The following TUT7 variants were observed in gnomAD, a reference collection of about 807,000 sequenced individuals.
TUT7 encodes the protein terminal uridylyltransferase 7.
TUT7 carries 33 observed loss-of-function variants against 165.9 expected under a neutral mutation model. The observed-to-expected ratio is 0.20, with a 90% confidence interval of 0.15 to 0.27. The LOEUF (loss-of-function observed/expected upper bound fraction) is 0.27. TUT7 is among the 10% of genes least tolerant of loss of function. TUT7 has a pLI of 1.00. For missense variants in TUT7, 1,338 were observed against 1,762.3 expected (o/e 0.76, Z 4.31); for synonymous variants, 552 against 608.1 (o/e 0.91, Z 1.36).
Position 86,323,326 on chromosome 9 carries a change from G to A in TUT7, c.2424C>T (p.Asn808=). 3.7e-6 allele frequency: 6 copies of A among 1,614,068 alleles called. No individual in the cohort carries two copies. Among genetic ancestry groups the A allele is most frequent in the African/African-American group, 1.3e-5 (1 of 75,024 alleles). Residue 808 remains asparagine (N), a synonymous_variant, in exon 13 of 27, where the codon AAC becomes AAT. Coordinates refer to ENST00000375963, the MANE Select transcript of TUT7 (RefSeq NM_024617.4). The part of the protein sequence containing the change: ...KECEGLATLD[N]KADLDGESTE... The stretch of plus-strand genomic sequence containing the variant: ...TACTTTCTCCATCAAGATCAGCCTT[G>A]TTATCTAAAGTGGCAAGTCCCTCAC...
At chr9:86,316,916 A>C (rs1336843008) in intron 17 of TUT7, among the ~76,000 whole-genome samples, 1 of 152,236 alleles carries the variant, frequency 6.6e-6, no homozygotes, top group African/African-American at 2.4e-5. Context: ...AACAATAAAA[A>C]AATACAAATA....
At chr9:86,337,104 C>T in intron 10 of TUT7, 1 of 187,034 alleles carries the variant, frequency 5.3e-6, no homozygotes, top group Non-Finnish European at 1.1e-5. Context: ...AAAACTGTAC[C>T]CAAAGAAAGA....
chr9:86,309,589 A>G lies in TUT7; in HGVS notation c.3469-13T>C. ...CAATATCACACATCTAGACAGAAGG[A>G]AAACCAAGAACAAAGGAAAGGTCTG... On this transcript the variant is annotated splice_polypyrimidine_tract_variant and intron_variant, in intron 19 of 26. Coordinates refer to ENST00000375963, the MANE Select transcript of TUT7 (RefSeq NM_024617.4). 1 of 1,589,280 alleles carries G rather than the reference A, an allele frequency of 6.3e-7. No individual in the cohort carries two copies. The highest frequency in any genetic ancestry group is 8.6e-7 in the Non-Finnish European group (1 of 1,163,342).
At chr9:86,300,712 G>A (rs114046124) in intron 26 of TUT7, among the ~76,000 whole-genome samples, 27 of 152,268 alleles carry the variant, frequency 1.8e-4, no homozygotes, top group Non-Finnish European at 3.1e-4. Flanking sequence ...TATTTTCTTC[G>A]TCATAAGAAT....
chr9:86,293,592 T>G (rs781290431), intron 26 of TUT7, among the ~76,000 whole-genome samples: 8 of 152,236 alleles, frequency 5.3e-5, no homozygotes, highest in Non-Finnish European at 1.0e-4. Flanking sequence ...ACAATGTCAC[T>G]GACTCTCCGG....
intron 10 of TUT7, among the ~76,000 whole-genome samples, chr9:86,331,027 G>A (rs771550497): frequency 1.8e-4 from 28 of 151,936 alleles, no homozygotes; most frequent in Non-Finnish European, 2.6e-4. Flanking sequence ...ACTAGGGTGT[G>A]TGCCACTATG....
chr9:86,335,583 C>T (rs1830689445), intron 10 of TUT7, among the ~76,000 whole-genome samples: 1 of 152,176 alleles, frequency 6.6e-6, no homozygotes, highest in Non-Finnish European at 1.5e-5. Context: ...CTTTGTATTT[C>T]AGGCACTACT....
intron 23 of TUT7, 99 bp from the exon 24 acceptor site, chr9:86,305,046 A>C: frequency 8.3e-7 from 1 of 1,198,064 alleles, no homozygotes; most frequent in Non-Finnish European, 1.2e-6. Flanking sequence ...CTGTTATTCT[A>C]GCACTCTGGG....
At chr9:86,336,355 T>C (rs1830780672) in intron 10 of TUT7, among the ~76,000 whole-genome samples, 1 of 152,190 alleles carries the variant, frequency 6.6e-6, no homozygotes, top group African/African-American at 2.4e-5. Context: ...CTGGTAGAGA[T>C]ACCCTCTCAT....
At chr9:86,308,146 G>A (rs1827696318) in intron 22 of TUT7, among the ~76,000 whole-genome samples, 1 of 152,172 alleles carries the variant, frequency 6.6e-6, no homozygotes, top group Non-Finnish European at 1.5e-5. Flanking sequence ...CCAACAGGAA[G>A]GTTGTAGAAG....
Position 86,317,841 on chromosome 9 carries a change from G to A in TUT7, c.3217-565C>T, listed in dbSNP as rs148806372. On this transcript the variant is annotated intron_variant, in intron 16 of 26. Transcript: ENST00000375963. ...AAACATTTGGGCTGACTCAACATAC[G>A]CCTTTTTGATGGTTATAAAAATCCC... is the stretch of plus-strand genomic sequence containing the variant. Among the ~76,000 whole-genome samples, 656 of 152,136 alleles carry A rather than the reference G, an allele frequency of 4.3e-3. 8 individuals are homozygous for A. Among genetic ancestry groups the A allele is most frequent in the African/African-American group, 0.015 (632 of 41,504 alleles).
At chr9:86,309,397 GAGGAGGAGAA>G in intron 20 of TUT7, 56 bp downstream of exon 20, 4 of 1,483,964 alleles carry the variant, frequency 2.7e-6, no homozygotes, top group Non-Finnish European at 3.7e-6. Context: ...CAGAATTTTA[GAGGAGGAGAA>G]AGGCTCAGAG....
chr9:86,305,045 T>C (rs1285874122), intron 23 of TUT7, 98 bp from the exon 24 acceptor site: 2 of 1,203,842 alleles, frequency 1.7e-6, no homozygotes, highest in East Asian at 2.5e-5. Context: ...CCTGTTATTC[T>C]AGCACTCTGG....
Position 86,310,768 on chromosome 9 carries a change from T to G in TUT7, c.3316A>C (p.Ile1106Leu). The G allele has an allele frequency of 6.2e-7, 1 of 1,613,444 alleles. No individual in the cohort carries two copies. Among genetic ancestry groups the G allele is most frequent in the Non-Finnish European group, 8.5e-7 (1 of 1,179,400 alleles). Reference protein sequence around the residue: ...ILPITTAKVPIVKFFHLRSGL... With the variant: ...ILPITTAKVPLVKFFHLRSGL... ...CTTCTCAAATGGAAGAACTTCACAATTGGCACCTTTGCTGTTGTAATAGGT... is the reference window on the plus strand; with the variant it reads ...CTTCTCAAATGGAAGAACTTCACAAGTGGCACCTTTGCTGTTGTAATAGGT... Residue 1106 changes from isoleucine to leucine, a missense_variant, in exon 18 of 27, where the codon ATT (isoleucine) becomes CTT (leucine). By Grantham distance (5) the Ile-to-Leu change is conservative. Transcript: ENST00000375963.
At chr9:86,321,712 G>C (rs1017481513) in intron 14 of TUT7, among the ~76,000 whole-genome samples, 1 of 152,132 alleles carries the variant, frequency 6.6e-6, no homozygotes, top group Non-Finnish European at 1.5e-5. Context: ...CTGGGGGACC[G>C]AGCAAGACCC....
At chr9:86,318,408 T>A (rs983551747) in intron 16 of TUT7, among the ~76,000 whole-genome samples, 4 of 152,212 alleles carry the variant, frequency 2.6e-5, no homozygotes, top group African/African-American at 9.6e-5. Flanking sequence ...GGGGCTGAAT[T>A]GCCCAAGGGC....
intron 10 of TUT7, among the ~76,000 whole-genome samples, chr9:86,336,161 GT>G (rs911328027): frequency 6.6e-6 from 1 of 152,094 alleles, no homozygotes; most frequent in African/African-American, 2.4e-5. Flanking sequence ...TTGTGCCAGG[GT>G]TTTTTTAGGT....
At chr9:86,289,554 TAAGA>T (rs34266088) in intron 26 of TUT7, among the ~76,000 whole-genome samples, 46,837 of 151,618 alleles carry the variant, frequency 0.31, 8,493 homozygotes, top group African/African-American at 0.49. Flanking sequence ...AGTCAGAGCG[TAAGA>T]AAGAGTGAGT....
chr9:86,342,921 TA>T (rs958072275), intron 6 of TUT7, among the ~76,000 whole-genome samples, 153 bp downstream of exon 6: 17 of 147,648 alleles, frequency 1.2e-4, no homozygotes, highest in African/African-American at 1.5e-4. Context: ...TGCAGAGTAT[TA>T]AAAAAAAAAG....
Sources: allele counts gnomAD v4.1 joint callset (sites outside exome capture counted in the v4.1 genomes callset), GRCh38; gene constraint gnomAD v4.1.1; transcripts MANE v1.5; gene names NCBI Gene and HGNC (gene_info 2026-07-23, HGNC 2026-07-21).